SLCO1B3: variants seen among roughly 807,000 people sequenced by gnomAD.
SLCO1B3 encodes solute carrier organic anion transporter family member 1B3, also known as liver-specific organic anion transporter 2.
A neutral mutation model predicts 71.8 loss-of-function variants in SLCO1B3; 72 were observed. The ratio of observed to expected loss-of-function variants is 1.00; its 90% CI spans 0.83 to 1.22. The LOEUF (loss-of-function observed/expected upper bound fraction) is 1.22, where lower values mean the gene tolerates loss of function less well. SLCO1B3 is among the 50% of genes most tolerant of loss of function. The probability of loss-of-function intolerance (pLI) is 0.00; values close to 1 mark genes in which losing one functional copy is unlikely to be tolerated. For missense variants in SLCO1B3, 911 were observed against 819.7 expected (o/e 1.11, Z -1.36); for synonymous variants, 298 against 278.4 (o/e 1.07, Z -0.70).
intron 15 of SLCO1B3, among the ~76,000 whole-genome samples, chr12:20,912,495 A>ATTTTT: frequency 8.4e-6 from 1 of 118,926 alleles, no homozygotes; most frequent in Non-Finnish European, 1.7e-5. Flanking sequence ...CACCTGGCTA[A>ATTTTT]TTTTTTTTTT....
chr12:20,887,145 G>T (rs1000005745), intron 13 of SLCO1B3, among the ~76,000 whole-genome samples: 6 of 151,992 alleles, frequency 3.9e-5, no homozygotes, highest in Non-Finnish European at 8.8e-5. Context: ...GTGATTCCAT[G>T]ACTTTGCTTT....
At chr12:20,857,656 T>C (rs1696582657) in intron 4 of SLCO1B3, among the ~76,000 whole-genome samples, 1 of 152,104 alleles carries the variant, frequency 6.6e-6, no homozygotes, top group Non-Finnish European at 1.5e-5. Context: ...AAAAAAAGTT[T>C]CTACTCTTTT....
chr12:20,860,945 C>T (rs1039812845), intron 5 of SLCO1B3, 72 bp from the exon 6 acceptor site: 1 of 1,412,056 alleles, frequency 7.1e-7, no homozygotes, highest in African/African-American at 1.4e-5. Flanking sequence ...GAGAAAATTT[C>T]TCTGTATTTC....
chr12:20,912,236 T>G (rs1012838302), intron 15 of SLCO1B3, among the ~76,000 whole-genome samples: 2 of 151,768 alleles, frequency 1.3e-5, no homozygotes, highest in Non-Finnish European at 2.9e-5. Flanking sequence ...TTTAATTCCC[T>G]TGTGGTTTAA....
At position 20,886,367 on chromosome 12, in the gene SLCO1B3, A is replaced by G. The variant is rs776257425; in HGVS notation, c.1682+2765A>G. 8.5e-5 allele frequency among the ~76,000 whole-genome samples: 13 copies of G among 152,064 alleles called. 1 individual carries two copies. The East Asian group carries it at 1.2e-3, about 14-fold the overall frequency. ...AATATACAGATGCTATTTAAATCCA[A>G]TGCCACATTGAGATCTTCTAGGGAC... is the stretch of plus-strand genomic sequence containing the variant. On this transcript the variant is annotated intron_variant, in intron 13 of 15. Transcript: ENST00000381545.
chr12:20,836,232 A>G (rs913677228), intron 3 of SLCO1B3, among the ~76,000 whole-genome samples: 2 of 152,218 alleles, frequency 1.3e-5, no homozygotes, highest in Non-Finnish European at 2.9e-5. Flanking sequence ...GTGGGGACGC[A>G]GCCAAAACAT....
At position 20,901,211 on chromosome 12, in the gene SLCO1B3, G is replaced by A; in HGVS notation, c.1748-139G>A. 4.9e-6 allele frequency: 3 copies of A among 616,220 alleles called. No individual in the cohort carries two copies. The South Asian group carries it at 5.9e-5, about 12-fold the overall frequency. The allele number at this position is 616,220 out of a possible 1,614,324, so 38.2% of individuals were successfully genotyped here. A position where few individuals can be genotyped will look rare whatever the true frequency, so the allele number is the denominator to read the frequency against. Reference sequence around the variant, plus strand: ...GATTTCTAATAATTTTGATTCCTGGGTGGATGTAAGCCAAACCAATGGAAT... The same window carrying A: ...GATTTCTAATAATTTTGATTCCTGGATGGATGTAAGCCAAACCAATGGAAT... On this transcript the variant is annotated intron_variant, in intron 14 of 15. Transcript: ENST00000381545.
rs188228992 is a variant in SLCO1B3, at chr12:20,822,304, G to A, written c.84+6482G>A. Reference sequence around the variant, plus strand: ...AAAGAGAGTCAGTGAAGGGAGATAAGGGTGGGGCCGTTTTATAGGATTTGG... The same window carrying A: ...AAAGAGAGTCAGTGAAGGGAGATAAAGGTGGGGCCGTTTTATAGGATTTGG... On this transcript the variant is annotated intron_variant, in intron 3 of 15. Transcript: ENST00000381545. 3.0e-4 allele frequency among the ~76,000 whole-genome samples: 45 copies of A among 152,254 alleles called. 1 individual carries two copies. In the East Asian group the frequency reaches 8.7e-3, roughly 29 times the overall value.
At chr12:20,874,623 T>C (rs1035578214) in intron 8 of SLCO1B3, among the ~76,000 whole-genome samples, 6 of 152,180 alleles carry the variant, frequency 3.9e-5, no homozygotes, top group African/African-American at 1.4e-4. Flanking sequence ...AAGGGAAATA[T>C]AGTTGAAATA....
intron 15 of SLCO1B3, among the ~76,000 whole-genome samples, chr12:20,908,300 T>G (rs912683682): frequency 1.3e-5 from 2 of 152,224 alleles, no homozygotes; most frequent in Non-Finnish European, 2.9e-5. Context: ...TGCTCCCGCA[T>G]ACATGCATAG....
chr12:20,820,285 C>G (rs528537397), intron 3 of SLCO1B3, among the ~76,000 whole-genome samples: 1 of 151,840 alleles, frequency 6.6e-6, no homozygotes. Context: ...TCAGCCGCTA[C>G]GCCAAGAAGG....
At chr12:20,836,357 G>C (rs1157526284) in intron 3 of SLCO1B3, among the ~76,000 whole-genome samples, 1 of 152,046 alleles carries the variant, frequency 6.6e-6, no homozygotes, top group Non-Finnish European at 1.5e-5. Flanking sequence ...TTTGATCATG[G>C]TATTTAATTA....
intron 15 of SLCO1B3, among the ~76,000 whole-genome samples, chr12:20,912,345 A>G (rs1424477315): frequency 8.3e-6 from 1 of 120,676 alleles, no homozygotes; most frequent in Non-Finnish European, 1.8e-5. Context: ...TTATTTATTT[A>G]TTTTGAGACC....
At chr12:20,822,197 C>T (rs1864326599) in intron 3 of SLCO1B3, among the ~76,000 whole-genome samples, 2 of 152,128 alleles carry the variant, frequency 1.3e-5, no homozygotes, top group Admixed American at 1.3e-4. Context: ...TCATGTGTGT[C>T]CATGTGAAGA....
rs914821884 is a variant in SLCO1B3 at position 20,883,516 on chromosome 12, G to A, written c.1596G>A (p.Arg532=). The change falls in exon 13 of 16, where the codon AGG becomes AGA. Residue 532 remains arginine, a synonymous_variant. Transcript: ENST00000381545. ...GECPRDNTCT[R]KFFIYVAIQV... is the part of the protein sequence containing the mutation. The stretch of plus-strand genomic sequence containing the variant: ...GCCCAAGAGATAATACTTGTACAAG[G>A]AAATTTTTCATCTATGTTGCAATTC... The A allele has an allele frequency of 1.9e-6, 3 of 1,604,500 alleles. No homozygotes were observed. The highest frequency in any genetic ancestry group is 2.6e-6 in the Non-Finnish European group (3 of 1,176,162).
At chr12:20,863,421 G>A (rs181796177) in intron 8 of SLCO1B3, among the ~76,000 whole-genome samples, 4 of 152,252 alleles carry the variant, frequency 2.6e-5, no homozygotes, top group East Asian at 1.9e-4. Flanking sequence ...TACTCTCAGA[G>A]CATGCTTTAT....
At chr12:20,889,468 G>A (rs943864696) in intron 13 of SLCO1B3, among the ~76,000 whole-genome samples, 2 of 151,954 alleles carry the variant, frequency 1.3e-5, no homozygotes, top group Non-Finnish European at 2.9e-5. Context: ...ATTTCCTCTA[G>A]GTTTTCCAGT....
chr12:20,825,891 T>A lies in SLCO1B3; in HGVS notation c.84+10069T>A, dbSNP rs373507189. Among the ~76,000 whole-genome samples, 162 of 151,546 alleles carry A rather than the reference T, an allele frequency of 1.1e-3. 4 individuals are homozygous for A. In the South Asian group the frequency reaches 0.033, roughly 31 times the overall value. On this transcript the variant is annotated intron_variant, in intron 3 of 15. Transcript: ENST00000381545. ...AGCAACACAGAAAGTAAAATGGACA[T>A]GATAACCTTAATTTTTAAAATCTGT...
At chr12:20,852,099 C>G (rs1865036384) in intron 3 of SLCO1B3, among the ~76,000 whole-genome samples, 1 of 152,180 alleles carries the variant, frequency 6.6e-6, no homozygotes, top group South Asian at 2.1e-4. Context: ...AAGCATCCAG[C>G]TGTGTTATTC....
Sources: gnomAD v4.1 joint callset for allele counts (sites outside exome capture counted in the v4.1 genomes callset) on GRCh38, gnomAD v4.1.1 for gene constraint, MANE v1.5 for transcripts, NCBI Gene and HGNC (gene_info 2026-07-23, HGNC 2026-07-21) for gene names.